The following SLC36A4 variants were observed in gnomAD, a reference collection of about 807,000 sequenced individuals.
SLC36A4 encodes the protein neutral amino acid uniporter 4.
A neutral mutation model predicts 50.5 loss-of-function variants in SLC36A4; 49 were observed. The observed-to-expected ratio is 0.97, with a 90% CI of 0.77 to 1.23. The LOEUF (loss-of-function observed/expected upper bound fraction) is 1.23. Among genes scored for constraint, SLC36A4 ranks in the 50% most tolerant of loss-of-function variants. The pLI is 0.00. For missense variants in SLC36A4, 611 were observed against 608.4 expected, an observed-to-expected ratio of 1.00 and a Z score of -0.05; for synonymous variants, 207 against 206.5, an observed-to-expected ratio of 1.00 and a Z score of -0.02.
chr11:93,168,093 C>T lies in SLC36A4; in HGVS notation c.619G>A (p.Val207Ile), dbSNP rs374736100. The T allele has an allele frequency of 1.5e-4, 241 of 1,612,414 alleles. No individual in the cohort carries two copies. The highest frequency in any genetic ancestry group is 2.0e-4 in the Non-Finnish European group (235 of 1,179,048). The change falls in exon 7 of 11, where the codon GTT becomes ATT. Residue 207 changes from valine to isoleucine, a missense_variant. Val to Ile is a conservative substitution (Grantham distance 29). Coordinates refer to ENST00000326402, the MANE Select transcript of SLC36A4 (RefSeq NM_152313.4). ...NSSNPCERRS[V>I]DLRIYMLCFL... The stretch of plus-strand genomic sequence containing the variant: ...CAAAGCATATATATCCTTAGGTCAA[C>T]ACTTCTTCTCTCACAAGGGTTTGAT...
At chr11:93,185,663 AAGG>A (rs745420218) in intron 2 of SLC36A4, 25 bp downstream of exon 2, 1 of 1,534,628 alleles carries the variant, frequency 6.5e-7, no homozygotes, top group Non-Finnish European at 8.7e-7. Context: ...ATTAAAAGAA[AAGG>A]AGACTTATAA....
At chr11:93,154,040 T>C (rs1404635717) in intron 10 of SLC36A4, 68 bp downstream of exon 10, 2 of 733,260 alleles carry the variant, frequency 2.7e-6, no homozygotes, top group Non-Finnish European at 2.0e-6. Flanking sequence ...AGAAATTACA[T>C]CTTATATAGC....
At position 93,146,816 on chromosome 11, in the gene SLC36A4, T is replaced by C. The variant is rs1231736336; in HGVS notation, c.*1721A>G. ...TCTTAATAATTTTCATTTTCCCCAC[T>C]AACTGAGAGATTCTTTATCTTGGTT... On this transcript the variant is annotated 3_prime_UTR_variant, in exon 11 of 11. Transcript: ENST00000326402. 6.6e-6 allele frequency: 1 copy of C among 152,092 alleles called. No individual in the cohort carries two copies. Among genetic ancestry groups the C allele is most frequent in the Non-Finnish European group, 1.5e-5 (1 of 68,008 alleles). The allele number at this position is 152,092 out of a possible 1,614,324, so 9.4% of individuals were successfully genotyped here.
chr11:93,148,645 ATATGT>A lies in SLC36A4; in HGVS notation c.1402_1406del (p.Thr468TyrfsTer4). 6.2e-7 allele frequency: 1 copy of A among 1,612,752 alleles called. No homozygotes were observed. The highest frequency in any genetic ancestry group is 8.5e-7 in the Non-Finnish European group (1 of 1,179,160). ...GATAAATAATTTCTTCAACAGTTAT[ATATGT>A]ACCTAATAAGAAGCCAACAACTCCA... On this transcript the variant is annotated frameshift_variant, in exon 11 of 11. Coordinates refer to ENST00000326402, the MANE Select transcript of SLC36A4 (RefSeq NM_152313.4). LOFTEE classifies it low-confidence loss of function (END_TRUNC).
intron 9 of SLC36A4, among the ~76,000 whole-genome samples, chr11:93,162,226 C>T (rs1860649579): frequency 6.6e-6 from 1 of 152,044 alleles, no homozygotes; most frequent in Non-Finnish European, 1.5e-5. Flanking sequence ...TTTTAAAAAT[C>T]CCACAAGAAC....
In SLC36A4 at chr11:93,154,202, T is replaced by C. The variant is rs1240592765; in HGVS notation, c.1113A>G (p.Ala371=). The C allele has an allele frequency of 6.4e-7, 1 of 1,558,932 alleles. No individual in the cohort carries two copies. Among genetic ancestry groups the C allele is most frequent in the Non-Finnish European group, 8.6e-7 (1 of 1,156,112 alleles). The change falls in exon 10 of 11, where the codon GCA becomes GCG. Residue 371 remains alanine, a synonymous_variant. Transcript: ENST00000326402. ...VTYSIQFYVP[A]EIIIPGITSK... ...ATGTGATCCCAGGGATAATGATCTC[T>C]GCTGGAACATAGAACTGAATTGAAT...
chr11:93,157,462 C>T (rs1007276946), intron 9 of SLC36A4, among the ~76,000 whole-genome samples: 7 of 152,174 alleles, frequency 4.6e-5, no homozygotes, highest in Non-Finnish European at 8.8e-5. Flanking sequence ...GATATTGATT[C>T]TTCCTATCCA....
intron 9 of SLC36A4, 80 bp downstream of exon 9, chr11:93,162,626 C>A (rs1860675561): frequency 8.2e-7 from 1 of 1,221,342 alleles, no homozygotes; most frequent in South Asian, 1.6e-5. Context: ...AACCATAAAT[C>A]CAAGAACACG....
chr11:93,165,006 T>A lies in SLC36A4; in HGVS notation c.867+912A>T, dbSNP rs114489329. On this transcript the variant is annotated intron_variant, in intron 8 of 10. Transcript: ENST00000326402. ...AATGTCAACAGTTAACTAGTGCTCA[T>A]GAGTTAAAGACAAACATGAAAATCT... is the stretch of plus-strand genomic sequence containing the variant. 7.2e-3 allele frequency among the ~76,000 whole-genome samples: 1,090 copies of A among 152,278 alleles called. 11 individuals carry two copies. Among genetic ancestry groups the A allele is most frequent in the African/African-American group, 0.025 (1,033 of 41,566 alleles).
chr11:93,189,128 T>A (rs565722038), intron 1 of SLC36A4, among the ~76,000 whole-genome samples: 1 of 151,944 alleles, frequency 6.6e-6, no homozygotes, highest in East Asian at 1.9e-4. Flanking sequence ...AATGGTGCGA[T>A]CTTGGCTCAC....
Position 93,148,456 on chromosome 11 carries a change from T to C in SLC36A4, c.*81A>G. The C allele has an allele frequency of 8.5e-7, 1 of 1,171,448 alleles. No individual in the cohort carries two copies. The highest frequency in any genetic ancestry group is 2.3e-5 in the East Asian group (1 of 42,662). The allele number at this position is 1,171,448 out of a possible 1,614,324, so 72.6% of individuals were successfully genotyped here. On this transcript the variant is annotated 3_prime_UTR_variant, in exon 11 of 11. Coordinates refer to ENST00000326402, the MANE Select transcript of SLC36A4 (RefSeq NM_152313.4). Reference sequence around the variant, plus strand: ...AACAGAGTTTGTTACCATTTTTATGTATATAGCAATGTATTTTACTAGTTA... The same window carrying C: ...AACAGAGTTTGTTACCATTTTTATGCATATAGCAATGTATTTTACTAGTTA...
intron 6 of SLC36A4, among the ~76,000 whole-genome samples, chr11:93,170,597 T>C (rs941957413): frequency 2.0e-5 from 3 of 152,132 alleles, no homozygotes; most frequent in Non-Finnish European, 2.9e-5. Context: ...TTTGAACTCC[T>C]ATCTTCTGAT....
chr11:93,190,319 G>A (rs976924208), intron 1 of SLC36A4, among the ~76,000 whole-genome samples: 24 of 152,038 alleles, frequency 1.6e-4, no homozygotes, highest in African/African-American at 5.1e-4. Flanking sequence ...ATACGGCAAC[G>A]GTAGTTAACA....
chr11:93,194,134 T>C (rs868441413), intron 1 of SLC36A4, among the ~76,000 whole-genome samples: 1 of 152,090 alleles, frequency 6.6e-6, no homozygotes, highest in African/African-American at 2.4e-5. Flanking sequence ...GAAGTAAATA[T>C]ATCAAAATGT....
chr11:93,186,651 G>T (rs1317106096), intron 1 of SLC36A4, among the ~76,000 whole-genome samples: 2 of 151,946 alleles, frequency 1.3e-5, no homozygotes, highest in Non-Finnish European at 2.9e-5. Flanking sequence ...ATGTTTAGTT[G>T]TATTCTTTCT....
chr11:93,173,905 G>A (rs1026460561), intron 6 of SLC36A4, among the ~76,000 whole-genome samples: 2 of 139,790 alleles, frequency 1.4e-5, no homozygotes, highest in Non-Finnish European at 3.1e-5. Flanking sequence ...AGTTCTTTTG[G>A]CTTAGGATTG....
At chr11:93,156,418 T>G (rs1860364069) in intron 9 of SLC36A4, among the ~76,000 whole-genome samples, 1 of 149,256 alleles carries the variant, frequency 6.7e-6, no homozygotes, top group Non-Finnish European at 1.5e-5. Context: ...CTTTGCCCAC[T>G]TTTTTTTTTC....
intron 9 of SLC36A4, chr11:93,154,590 A>C (rs1047766471): frequency 6.3e-6 from 1 of 158,978 alleles, no homozygotes; most frequent in African/African-American, 2.4e-5. Flanking sequence ...CAAAGAGCTA[A>C]AGTTTTCTCA....
intron 1 of SLC36A4, among the ~76,000 whole-genome samples, chr11:93,190,434 C>A (rs1862168655): frequency 6.6e-6 from 1 of 152,088 alleles, no homozygotes; most frequent in Non-Finnish European, 1.5e-5. Flanking sequence ...TCCCAATTAT[C>A]CTGATTTGAT....
Sources: gnomAD v4.1 joint callset for allele counts (sites outside exome capture counted in the v4.1 genomes callset) on GRCh38, gnomAD v4.1.1 for gene constraint, MANE v1.5 for transcripts, NCBI Gene and HGNC (gene_info 2026-07-23, HGNC 2026-07-21) for gene names.